TBC1D5: variants seen among roughly 807,000 people sequenced by gnomAD.
TBC1D5 encodes the protein TBC1 domain family member 5, also known as TBC1 domain family, member 5.
TBC1D5 carries 75 observed loss-of-function variants against 100.3 expected under a neutral mutation model. The ratio of observed to expected loss-of-function variants is 0.75; its 90% CI spans 0.62 to 0.91. The LOEUF is 0.91. Ranked by LOEUF, TBC1D5 falls within the 40% of genes least tolerant of loss-of-function variation. The pLI is 0.00. For synonymous variants in TBC1D5, 323 were observed against 325.6 expected (o/e 0.99, Z 0.09); for missense variants, 910 against 942.4 (o/e 0.97, Z 0.45).
intron 3 of TBC1D5, among the ~76,000 whole-genome samples, chr3:17,433,527 G>A (rs1269924484): frequency 2.0e-5 from 3 of 152,062 alleles, no homozygotes; most frequent in Non-Finnish European, 4.4e-5. Flanking sequence ...AGAGCAGCAT[G>A]GGGGTAACCG....
intron 3 of TBC1D5, among the ~76,000 whole-genome samples, chr3:17,496,195 A>G (rs963265231): frequency 1.3e-5 from 2 of 152,224 alleles, no homozygotes; most frequent in Admixed American, 6.5e-5. Flanking sequence ...TAGCTTGTAC[A>G]CTAATTAAAG....
At chr3:17,290,228 T>A (rs181157128) in intron 15 of TBC1D5, among the ~76,000 whole-genome samples, 1 of 152,360 alleles carries the variant, frequency 6.6e-6, no homozygotes, top group East Asian at 1.9e-4. Context: ...AGAATCTATA[T>A]TTTAATGCTT....
At chr3:17,578,963 A>C (rs371444950) in intron 2 of TBC1D5, among the ~76,000 whole-genome samples, 17 of 152,060 alleles carry the variant, frequency 1.1e-4, no homozygotes, top group African/African-American at 3.9e-4. Context: ...ATATATTCCA[A>C]ATAATTTGGG....
At chr3:17,483,240 G>A (rs2095521245) in intron 3 of TBC1D5, among the ~76,000 whole-genome samples, 1 of 152,010 alleles carries the variant, frequency 6.6e-6, no homozygotes, top group Non-Finnish European at 1.5e-5. Context: ...AGAACTGCAA[G>A]TTGTTATAAA....
At chr3:17,552,916 A>G (rs940699282) in intron 2 of TBC1D5, among the ~76,000 whole-genome samples, 1 of 152,158 alleles carries the variant, frequency 6.6e-6, no homozygotes, top group Non-Finnish European at 1.5e-5. Flanking sequence ...GAAATAGTAT[A>G]TCCTAACGCA....
At chr3:17,264,841 G>A (rs191117970) in intron 15 of TBC1D5, among the ~76,000 whole-genome samples, 103 of 152,298 alleles carry the variant, frequency 6.8e-4, no homozygotes, top group Non-Finnish European at 1.3e-3. Context: ...CTATGGTTAC[G>A]TTTTGATACC....
chr3:17,376,484 G>A (rs2092713280), intron 10 of TBC1D5, 41 bp downstream of exon 10: 2 of 1,544,182 alleles, frequency 1.3e-6, no homozygotes, highest in Non-Finnish European at 1.8e-6. Context: ...TACCGTGGGG[G>A]CTAAAAAACA....
chr3:17,727,758 A>G (rs1229103053), intron 1 of TBC1D5, among the ~76,000 whole-genome samples: 1 of 152,222 alleles, frequency 6.6e-6, no homozygotes, highest in Non-Finnish European at 1.5e-5. Context: ...TGCTCTTTAA[A>G]CTGTTCCAGA....
intron 13 of TBC1D5, among the ~76,000 whole-genome samples, chr3:17,354,835 C>T (rs140469507): frequency 6.6e-5 from 10 of 151,950 alleles, no homozygotes; most frequent in East Asian, 3.9e-4. Context: ...CTTATACACA[C>T]AATTTATCCA....
At chr3:17,507,117 T>A (rs1424764895) in intron 3 of TBC1D5, among the ~76,000 whole-genome samples, 1 of 152,252 alleles carries the variant, frequency 6.6e-6, no homozygotes, top group Non-Finnish European at 1.5e-5. Flanking sequence ...TTTTATACAC[T>A]TGTAACACAA....
At chr3:17,697,284 G>T (rs180756845) in intron 1 of TBC1D5, among the ~76,000 whole-genome samples, 1 of 152,192 alleles carries the variant, frequency 6.6e-6, no homozygotes, top group Non-Finnish European at 1.5e-5. Context: ...GAAATAAAAG[G>T]TATTTAATTA....
At chr3:17,650,330 GA>G (rs2065423575) in intron 1 of TBC1D5, among the ~76,000 whole-genome samples, 1 of 151,898 alleles carries the variant, frequency 6.6e-6, no homozygotes, top group Admixed American at 6.6e-5. Flanking sequence ...ATGTCAAAGA[GA>G]AAAAAGATGA....
At chr3:17,340,423 G>C (rs1176451863) in intron 13 of TBC1D5, among the ~76,000 whole-genome samples, 1 of 152,198 alleles carries the variant, frequency 6.6e-6, no homozygotes, top group Admixed American at 6.5e-5. Context: ...TACTACCACA[G>C]GCAGGGAGGT....
At chr3:17,183,367 T>G (rs1193569686) in intron 19 of TBC1D5, among the ~76,000 whole-genome samples, 1 of 151,970 alleles carries the variant, frequency 6.6e-6, no homozygotes, top group South Asian at 2.1e-4. Context: ...ATAAAAAGTC[T>G]CCTTATACCA....
intron 1 of TBC1D5, among the ~76,000 whole-genome samples, chr3:17,697,791 T>C (rs1301017498): frequency 1.3e-5 from 2 of 151,490 alleles, no homozygotes; most frequent in Non-Finnish European, 2.9e-5. Context: ...AGAACCCGCG[T>C]TGCCAAGACA....
At chr3:17,723,065 A>G (rs1463312279) in intron 1 of TBC1D5, among the ~76,000 whole-genome samples, 1 of 148,828 alleles carries the variant, frequency 6.7e-6, no homozygotes, top group African/African-American at 2.6e-5. Context: ...AAATAGTTCT[A>G]AAGAATGAAT....
intron 16 of TBC1D5, among the ~76,000 whole-genome samples, chr3:17,249,689 C>A (rs1264242143): frequency 1.3e-5 from 2 of 152,182 alleles, no homozygotes; most frequent in African/African-American, 4.8e-5. Flanking sequence ...AATTACCCAG[C>A]CTCAGGTATT....
intron 13 of TBC1D5, among the ~76,000 whole-genome samples, chr3:17,346,966 A>G (rs2089971997): frequency 6.6e-6 from 1 of 152,196 alleles, no homozygotes; most frequent in South Asian, 2.1e-4. Context: ...TGGACTTTCT[A>G]TTGTGTTCTA....
intron 1 of TBC1D5, among the ~76,000 whole-genome samples, chr3:17,662,010 C>T (rs137949754): frequency 1.8e-4 from 27 of 152,242 alleles, no homozygotes; most frequent in African/African-American, 6.3e-4. Context: ...CCCATCTCAG[C>T]CTCCCAAGTA....
Sources: gnomAD v4.1 joint callset for allele counts (sites outside exome capture counted in the v4.1 genomes callset) on GRCh38, gnomAD v4.1.1 for gene constraint, MANE v1.5 for transcripts, NCBI Gene and HGNC (gene_info 2026-07-23, HGNC 2026-07-21) for gene names.